Variants in TANC1 observed in about 807,000 individuals in gnomAD.
TANC1 encodes the protein tetratricopeptide repeat, ankyrin repeat and coiled-coil containing 1.
In TANC1, 77 loss-of-function variants were observed where a neutral mutation model predicts 149.7. The ratio of observed to expected loss-of-function variants is 0.51; its 90% confidence interval spans 0.43 to 0.62. TANC1 has a LOEUF of 0.62. Among genes scored for constraint, TANC1 ranks in the 20% least tolerant of loss-of-function variants. The probability of loss-of-function intolerance (pLI) is 0.00; values close to 1 mark genes in which losing one functional copy is unlikely to be tolerated. For synonymous variants in TANC1, 854 were observed against 925.0 expected (o/e 0.92, Z 1.39); for missense variants, 1,985 against 2,321.8 (o/e 0.85, Z 2.98).
chr2:159,197,987 G>A (rs2150731771), intron 18 of TANC1, among the ~76,000 whole-genome samples: 1 of 152,286 alleles, frequency 6.6e-6, no homozygotes, highest in South Asian at 2.1e-4. Context: ...CCTTCCTTCT[G>A]AAGTCTCTAG....
At chr2:159,044,396 C>T (rs1406770950) in intron 2 of TANC1, among the ~76,000 whole-genome samples, 1 of 152,082 alleles carries the variant, frequency 6.6e-6, no homozygotes, top group Non-Finnish European at 1.5e-5. Flanking sequence ...TCTGATGGCG[C>T]CACTGTACTC....
chr2:159,174,861 A>G (rs764988577), intron 11 of TANC1, 92 bp from the exon 12 acceptor site: 99 of 940,960 alleles, frequency 1.1e-4, no homozygotes, highest in Non-Finnish European at 1.5e-4. Flanking sequence ...TCTTGTTACC[A>G]GCGAATGGGC....
At chr2:158,991,634 G>T (rs1421138457) in intron 1 of TANC1, among the ~76,000 whole-genome samples, 1 of 151,976 alleles carries the variant, frequency 6.6e-6, no homozygotes, top group Non-Finnish European at 1.5e-5. Flanking sequence ...GGGGCCTGTA[G>T]TCCTGGGAGG....
chr2:159,093,783 T>A (rs937937352), intron 3 of TANC1, among the ~76,000 whole-genome samples: 6 of 151,164 alleles, frequency 4.0e-5, no homozygotes, highest in Non-Finnish European at 7.4e-5. Flanking sequence ...GCAGCCTGCA[T>A]AAAATCATAG....
intron 3 of TANC1, among the ~76,000 whole-genome samples, chr2:159,069,493 A>G (rs1179113685): frequency 2.0e-5 from 3 of 152,138 alleles, no homozygotes; most frequent in Non-Finnish European, 4.4e-5. Flanking sequence ...ACGTTTCTTA[A>G]TTTTAAGTGA....
chr2:159,222,196 A>C (rs2059748779), intron 22 of TANC1, among the ~76,000 whole-genome samples: 1 of 152,232 alleles, frequency 6.6e-6, no homozygotes, highest in Non-Finnish European at 1.5e-5. Context: ...AGTTTATCAA[A>C]ATTAGAGAAG....
intron 8 of TANC1, among the ~76,000 whole-genome samples, chr2:159,167,060 G>C (rs1167533100): frequency 6.6e-6 from 1 of 152,130 alleles, no homozygotes; most frequent in Non-Finnish European, 1.5e-5. Flanking sequence ...TGTCTTTTAT[G>C]GTCACATATT....
chr2:159,182,164 G>A (rs1057097718), intron 14 of TANC1, among the ~76,000 whole-genome samples: 7 of 151,832 alleles, frequency 4.6e-5, no homozygotes, highest in Non-Finnish European at 2.9e-5. Context: ...AGTCGAGATC[G>A]TGCCACTACA....
chr2:159,220,532 G>T (rs1442884375), intron 22 of TANC1, among the ~76,000 whole-genome samples: 1 of 151,868 alleles, frequency 6.6e-6, no homozygotes, highest in African/African-American at 2.4e-5. Context: ...TTGAACTCCT[G>T]ACCTCATGAT....
At chr2:159,167,050 T>A (rs963619538) in intron 8 of TANC1, among the ~76,000 whole-genome samples, 10 of 152,250 alleles carry the variant, frequency 6.6e-5, no homozygotes, top group Admixed American at 1.3e-4. Flanking sequence ...TTATTTGGAA[T>A]GTCTTTTATG....
At position 159,097,648 on chromosome 2, in the gene TANC1, G is replaced by C. The variant is rs372950362; in HGVS notation, c.73G>C (p.Gly25Arg). ...TCTCTCTACTCTAGGAAGTGACTTT[G>C]GTCCAGAGACTTCTCCAGTCCTGCA... ...GGKKEAGSDF[G>R]PETSPVLHLD... is the part of the protein sequence containing the mutation. The change falls in exon 4 of 27, where the codon GGT (glycine) becomes CGT (arginine). Residue 25 changes from glycine to arginine, a missense_variant. By Grantham distance (125) the Gly-to-Arg change is moderately radical (BLOSUM62 -2). This residue lies in a region of TANC1 where 557 missense variants were observed against 612.9 expected (regional missense o/e 0.91). Transcript: ENST00000263635. 6.2e-7 allele frequency: 1 copy of C among 1,613,758 alleles called. No homozygotes were observed. The highest frequency in any genetic ancestry group is 1.7e-5 in the Admixed American group (1 of 60,010).
At chr2:159,085,858 G>GA (rs2044785819) in intron 3 of TANC1, among the ~76,000 whole-genome samples, 1 of 152,182 alleles carries the variant, frequency 6.6e-6, no homozygotes, top group South Asian at 2.1e-4. Context: ...CAAAGGGGCA[G>GA]ATGTTCAAAC....
intron 5 of TANC1, chr2:159,147,771 C>T (rs953931112): frequency 2.0e-5 from 3 of 152,258 alleles, no homozygotes; most frequent in African/African-American, 7.2e-5. Context: ...GCTGGCAAAC[C>T]ATTCTTCCTA....
At chr2:159,060,686 A>C (rs2042171554) in intron 2 of TANC1, among the ~76,000 whole-genome samples, 1 of 152,212 alleles carries the variant, frequency 6.6e-6, no homozygotes, top group African/African-American at 2.4e-5. Flanking sequence ...TATCTGTTAA[A>C]GAATAAACAT....
intron 2 of TANC1, among the ~76,000 whole-genome samples, chr2:159,033,704 G>A (rs2039961283): frequency 1.3e-5 from 2 of 152,200 alleles, no homozygotes; most frequent in African/African-American, 4.8e-5. Flanking sequence ...AATAGGGTTA[G>A]CACCTCAGAT....
intron 11 of TANC1, among the ~76,000 whole-genome samples, chr2:159,173,350 C>T (rs2055462352): frequency 6.6e-6 from 1 of 152,154 alleles, no homozygotes; most frequent in Non-Finnish European, 1.5e-5. Context: ...TGCTTGTAAT[C>T]CCAGCACTTT....
intron 14 of TANC1, among the ~76,000 whole-genome samples, chr2:159,184,443 G>C (rs909982565): frequency 2.4e-4 from 36 of 152,108 alleles, no homozygotes; most frequent in African/African-American, 8.7e-4. Flanking sequence ...CTTTAGGCCC[G>C]GCCACCAAGG....
At chr2:159,004,697 T>G (rs1376267584) in intron 2 of TANC1, among the ~76,000 whole-genome samples, 1 of 151,776 alleles carries the variant, frequency 6.6e-6, no homozygotes, top group East Asian at 1.9e-4. Context: ...CCCTCCCCAG[T>G]AGAAATAAAA....
chr2:159,125,359 CT>C (rs2049328677), intron 4 of TANC1, among the ~76,000 whole-genome samples: 1 of 152,198 alleles, frequency 6.6e-6, no homozygotes, highest in Admixed American at 6.5e-5. Context: ...TGAGAAATTA[CT>C]ACAAGCTTAT....
Sources: gnomAD v4.1 joint callset for allele counts (sites outside exome capture counted in the v4.1 genomes callset) on GRCh38, gnomAD v4.1.1 for gene constraint, gnomAD v4.1.1 regional missense constraint, MANE v1.5 for transcripts, NCBI Gene and HGNC (gene_info 2026-07-23, HGNC 2026-07-21) for gene names.